CLMP: variants seen among roughly 807,000 people sequenced by gnomAD.
CLMP encodes CXADR like cell adhesion molecule.
CLMP carries 27 observed loss-of-function variants against 45.2 expected under a neutral mutation model. The observed-to-expected ratio is 0.60, with a 90% CI of 0.44 to 0.82. The LOEUF is 0.82. Ranked by LOEUF, CLMP falls within the 40% of genes least tolerant of loss-of-function variation. The pLI is 0.00. For missense variants in CLMP, 403 were observed against 448.4 expected (o/e 0.90, Z 0.91); for synonymous variants, 167 against 171.4 (o/e 0.97, Z 0.20).
chr11:123,166,151 T>C (rs1350140148), intron 1 of CLMP, among the ~76,000 whole-genome samples: 3 of 152,016 alleles, frequency 2.0e-5, no homozygotes, highest in Non-Finnish European at 4.4e-5. Context: ...TTCCGCATCG[T>C]GAGGCTTCAT....
chr11:123,194,877 G>C (rs751310397), intron 1 of CLMP, 36 bp downstream of exon 1: 213 of 1,612,710 alleles, frequency 1.3e-4, no homozygotes, highest in Non-Finnish European at 1.4e-4. Context: ...GTTTGCCCAC[G>C]GCCATCCAAA....
At chr11:123,142,405 C>T (rs1055415677) in intron 1 of CLMP, among the ~76,000 whole-genome samples, 22 of 152,200 alleles carry the variant, frequency 1.4e-4, no homozygotes, top group African/African-American at 5.3e-4. Context: ...AGGGACTTGT[C>T]GTTGAAATGC....
At chr11:123,165,822 G>A (rs903781459) in intron 1 of CLMP, among the ~76,000 whole-genome samples, 14 of 152,104 alleles carry the variant, frequency 9.2e-5, no homozygotes, top group South Asian at 4.1e-4. Context: ...GGACAAGTGA[G>A]ACCTAGTGCC....
rs2135487225 is a variant in CLMP at position 123,106,276 on chromosome 11, C to A, written c.29-8324G>T. Among the ~76,000 whole-genome samples the A allele has an allele frequency of 3.3e-5, 5 of 151,940 alleles. No homozygotes were observed. In the Middle Eastern group the frequency reaches 0.01, roughly 312 times the overall value. ...TTGAACAGTTTATTAAATTTGTATG[C>A]CTTTTCTCCTATTAATCTGCCTCTT... On this transcript the variant is annotated intron_variant, in intron 1 of 6. Transcript: ENST00000448775.
At chr11:123,120,812 T>A (rs1591466458) in intron 1 of CLMP, among the ~76,000 whole-genome samples, 4 of 152,108 alleles carry the variant, frequency 2.6e-5, no homozygotes, top group Admixed American at 2.0e-4. Context: ...AAACGTCTCA[T>A]GTTATATTCA....
rs1290215510 is a variant in CLMP at position 123,136,042 on chromosome 11, G to A, written c.29-38090C>T. The A allele has an allele frequency of 2.7e-5, 16 of 589,380 alleles. No individual in the cohort carries two copies. The East Asian group carries it at 5.7e-4, about 21-fold the overall frequency. The allele number at this position is 589,380 out of a possible 1,614,324, so 36.5% of individuals were successfully genotyped here. On this transcript the variant is annotated intron_variant, in intron 1 of 6. Coordinates refer to ENST00000448775, the MANE Select transcript of CLMP (RefSeq NM_024769.5). ...ATTTCCGGTGCTGCTTTGTTCGCTCGTTTCTTCATCTGCCTTTTTGCTTTG... is the reference window on the plus strand; with the variant it reads ...ATTTCCGGTGCTGCTTTGTTCGCTCATTTCTTCATCTGCCTTTTTGCTTTG...
chr11:123,165,794 G>T (rs995898608), intron 1 of CLMP, among the ~76,000 whole-genome samples: 1 of 151,992 alleles, frequency 6.6e-6, no homozygotes, highest in African/African-American at 2.4e-5. Context: ...AGAGCACAGG[G>T]TCTACCCAGG....
At chr11:123,175,693 T>C (rs1056625886) in intron 1 of CLMP, among the ~76,000 whole-genome samples, 5 of 152,218 alleles carry the variant, frequency 3.3e-5, no homozygotes, top group Admixed American at 2.6e-4. Context: ...TATTATTTAT[T>C]TGAGGCATTG....
intron 1 of CLMP, among the ~76,000 whole-genome samples, chr11:123,150,480 A>AAAGAAAGGAAGG (rs764502298): frequency 3.0e-3 from 121 of 40,730 alleles, no homozygotes; most frequent in Admixed American, 3.5e-3. Context: ...AGAAAGAAAG[A>AAAGAAAGGAAGG]AAGGAAGGAA....
chr11:123,170,698 C>T (rs1021497427), intron 1 of CLMP, among the ~76,000 whole-genome samples: 7 of 152,198 alleles, frequency 4.6e-5, no homozygotes, highest in African/African-American at 1.7e-4. Context: ...CGCTCGGCCT[C>T]CCAATGTGCT....
chr11:123,143,395 C>T (rs1000787755), intron 1 of CLMP, among the ~76,000 whole-genome samples: 1 of 152,076 alleles, frequency 6.6e-6, no homozygotes, highest in Admixed American at 6.6e-5. Flanking sequence ...TAGAATATGG[C>T]CAAGGTGATG....
intron 1 of CLMP, among the ~76,000 whole-genome samples, chr11:123,129,145 A>T (rs1189420876): frequency 6.6e-6 from 1 of 151,904 alleles, no homozygotes; most frequent in Admixed American, 6.6e-5. Context: ...ACATGGTGAA[A>T]CCCCATCTCT....
At chr11:123,167,283 A>ATTTC (rs989875508) in intron 1 of CLMP, among the ~76,000 whole-genome samples, 6 of 151,798 alleles carry the variant, frequency 4.0e-5, no homozygotes, top group African/African-American at 9.7e-5. Flanking sequence ...GATGTCTTTT[A>ATTTC]TTTCTTTCTT....
At chr11:123,177,118 G>C (rs7928609) in intron 1 of CLMP, among the ~76,000 whole-genome samples, 77,514 of 151,944 alleles carry the variant, frequency 0.51, 20,908 homozygotes, top group East Asian at 0.68. Context: ...AGATTAATTT[G>C]ATGGAGGGGA....
At position 123,167,577 on chromosome 11, in the gene CLMP, GC is replaced by G. The variant is rs570841946; in HGVS notation, c.28+27335del. On this transcript the variant is annotated intron_variant, in intron 1 of 6. Transcript: ENST00000448775. ...TGGGATTACAGGCATGAGCCACCAC[GC>G]CCCGCCGAAAGACAGATGTCTTTTT... Among the ~76,000 whole-genome samples the G allele has an allele frequency of 6.8e-3, 1,027 of 152,148 alleles. 12 individuals carry two copies. Among genetic ancestry groups the G allele is most frequent in the South Asian group, 0.029 (138 of 4,830 alleles).
At chr11:123,142,848 G>A (rs1358923396) in intron 1 of CLMP, among the ~76,000 whole-genome samples, 2 of 149,128 alleles carry the variant, frequency 1.3e-5, no homozygotes, top group African/African-American at 5.0e-5. Context: ...GGATGGTCTC[G>A]ATCTCCTGAC....
intron 1 of CLMP, among the ~76,000 whole-genome samples, chr11:123,113,733 T>C (rs1860676788): frequency 6.6e-6 from 1 of 152,184 alleles, no homozygotes; most frequent in South Asian, 2.1e-4. Context: ...GGTTGACTAT[T>C]TGGGAGTAAT....
intron 1 of CLMP, among the ~76,000 whole-genome samples, chr11:123,139,300 T>G (rs1185131152): frequency 1.3e-5 from 2 of 151,994 alleles, no homozygotes; most frequent in Non-Finnish European, 2.9e-5. Context: ...GAGGTTTGAA[T>G]GTGAGATGTT....
At chr11:123,075,338 G>A (rs181839128) in intron 5 of CLMP, among the ~76,000 whole-genome samples, 3 of 152,112 alleles carry the variant, frequency 2.0e-5, no homozygotes, top group Admixed American at 6.6e-5. Flanking sequence ...ATTTGCAGTT[G>A]TAGTTACTGA....
Sources: allele counts gnomAD v4.1 joint callset (sites outside exome capture counted in the v4.1 genomes callset), GRCh38; gene constraint gnomAD v4.1.1; transcripts MANE v1.5; gene names NCBI Gene and HGNC (gene_info 2026-07-23, HGNC 2026-07-21).